The following MAEA variants were observed in gnomAD, a reference collection of about 807,000 sequenced individuals.
The protein encoded by MAEA is macrophage erythroblast attacher, E3 ubiquitin ligase.
Under a neutral mutation model 46.2 loss-of-function variants are expected in MAEA, and 22 were observed. The observed-to-expected ratio is 0.48, with a 90% CI of 0.34 to 0.68. The LOEUF (loss-of-function observed/expected upper bound fraction) is 0.68, where lower values mean the gene tolerates loss of function less well. Ranked by LOEUF, MAEA falls within the 30% of genes least tolerant of loss-of-function variation. The pLI is 0.01. For synonymous variants in MAEA, 246 were observed against 222.6 expected (o/e 1.11, Z -0.94); for missense variants, 393 against 558.1 (o/e 0.70, Z 2.98).
At chr4:1,309,814 T>C (rs1276595480) in intron 1 of MAEA, 52 of 1,378,480 alleles carry the variant, frequency 3.8e-5, no homozygotes, top group Non-Finnish European at 4.5e-5. Context: ...GGTTCCTGTC[T>C]GCAGCACACC....
intron 7 of MAEA, chr4:1,337,334 T>TTGCCTGTGACTGACTCTGCCC (rs59742652): frequency 0.23 from 71,277 of 305,332 alleles, 12,718 homozygotes; most frequent in African/African-American, 0.57. Context: ...ACCAAGAACC[T>TTGCCTGTGACTGACTCTGCCC]TGCCTGTGAC....
chr4:1,296,589 G>C (rs911935707), intron 1 of MAEA, among the ~76,000 whole-genome samples: 3 of 151,546 alleles, frequency 2.0e-5, no homozygotes, highest in Non-Finnish European at 4.4e-5. Context: ...TGGCTGTGCA[G>C]CTCCCTGGTG....
At chr4:1,316,783 A>G (rs1435838734) in intron 3 of MAEA, among the ~76,000 whole-genome samples, 1 of 152,042 alleles carries the variant, frequency 6.6e-6, no homozygotes, top group East Asian at 1.9e-4. Flanking sequence ...CACATTGTGC[A>G]GTCCAAGGCC....
chr4:1,333,625 C>T (rs1302865934), intron 6 of MAEA, among the ~76,000 whole-genome samples: 1 of 152,090 alleles, frequency 6.6e-6, no homozygotes, highest in African/African-American at 2.4e-5. Context: ...AACCCAGCAG[C>T]TGGCTGCTCC....
intron 3 of MAEA, among the ~76,000 whole-genome samples, chr4:1,316,152 C>T (rs913448445): frequency 2.6e-5 from 4 of 152,108 alleles, no homozygotes; most frequent in African/African-American, 9.7e-5. Flanking sequence ...GAGAGCTTTG[C>T]CTTTATCTCA....
intron 4 of MAEA, among the ~76,000 whole-genome samples, chr4:1,326,558 C>T (rs1313603622): frequency 6.6e-6 from 1 of 152,156 alleles, no homozygotes; most frequent in Non-Finnish European, 1.5e-5. Flanking sequence ...TTGGGCTTCC[C>T]TTAGGTGCAC....
intron 1 of MAEA, chr4:1,299,824 C>A (rs1735142853): frequency 2.0e-5 from 3 of 152,278 alleles, no homozygotes; most frequent in African/African-American, 7.2e-5. Context: ...GTTGAAACTG[C>A]AGCCCCAGCA....
chr4:1,309,643 C>G, intron 1 of MAEA: 1 of 1,530,702 alleles, frequency 6.5e-7, no homozygotes, highest in Non-Finnish European at 8.7e-7. Context: ...GAGTAAGCGG[C>G]TGGATGTGGA....
At chr4:1,294,599 A>C (rs1734440169) in intron 1 of MAEA, among the ~76,000 whole-genome samples, 1 of 151,082 alleles carries the variant, frequency 6.6e-6, no homozygotes, top group Non-Finnish European at 1.5e-5. Context: ...CCTCCGCAGC[A>C]GTGGTCTGAG....
At chr4:1,290,048 G>A (rs1040636604) in intron 1 of MAEA, 66 bp downstream of exon 1, 9 of 1,311,966 alleles carry the variant, frequency 6.9e-6, no homozygotes, top group Non-Finnish European at 9.3e-6. Flanking sequence ...CTCGGGCCGC[G>A]AGGGGCCGCC....
chr4:1,319,901 T>C (rs1343291734), intron 3 of MAEA, among the ~76,000 whole-genome samples: 2 of 138,522 alleles, frequency 1.4e-5, no homozygotes, highest in African/African-American at 5.5e-5. Flanking sequence ...AAAGCAAACA[T>C]GCAAGAAAAC....
At chr4:1,295,479 G>C (rs1734541731) in intron 1 of MAEA, among the ~76,000 whole-genome samples, 1 of 151,868 alleles carries the variant, frequency 6.6e-6, no homozygotes, top group African/African-American at 2.4e-5. Flanking sequence ...TCGAGGGAGG[G>C]GCCCAGAGCA....
rs192194447 is a variant in MAEA at position 1,309,922 on chromosome 4, C to T, written c.70-2057C>T. The T allele has an allele frequency of 1.0e-4, 129 of 1,284,306 alleles. 1 individual carries two copies. In the East Asian group the frequency reaches 2.2e-3, roughly 22 times the overall value. The allele number at this position is 1,284,306 out of a possible 1,614,324, so 79.6% of individuals were successfully genotyped here. A position where few individuals can be genotyped will look rare whatever the true frequency, so the allele number is the denominator to read the frequency against. On this transcript the variant is annotated intron_variant, in intron 1 of 8. Coordinates refer to ENST00000303400, the MANE Select transcript of MAEA (RefSeq NM_001017405.3). ...GGAAAGTCCAGAAAGGCCCCGTTCC[C>T]GCGTAGAACTTGAATGCAGCTAAGG... is the stretch of plus-strand genomic sequence containing the variant.
At chr4:1,317,785 C>G (rs575178706) in intron 3 of MAEA, among the ~76,000 whole-genome samples, 1 of 152,192 alleles carries the variant, frequency 6.6e-6, no homozygotes, top group Non-Finnish European at 1.5e-5. Context: ...TGATCCTCTG[C>G]GGTGACCGGG....
intron 1 of MAEA, among the ~76,000 whole-genome samples, chr4:1,310,417 TGGA>T (rs1487655866): frequency 6.6e-6 from 1 of 152,176 alleles, no homozygotes; most frequent in Non-Finnish European, 1.5e-5. Flanking sequence ...GCAGGCAGTG[TGGA>T]TGATGGGACC....
At chr4:1,313,066 C>T (rs1488914377) in intron 2 of MAEA, among the ~76,000 whole-genome samples, 1 of 152,194 alleles carries the variant, frequency 6.6e-6, no homozygotes, top group East Asian at 1.9e-4. Flanking sequence ...CACGGTACTA[C>T]AGCTCAGCGT....
chr4:1,328,315 G>C (rs1464157135), intron 5 of MAEA, among the ~76,000 whole-genome samples: 2 of 152,212 alleles, frequency 1.3e-5, no homozygotes, highest in East Asian at 3.9e-4. Context: ...AAGGAAGAGA[G>C]GCTGTCCGCT....
chr4:1,303,470 A>G (rs956162025), intron 1 of MAEA, among the ~76,000 whole-genome samples: 2 of 151,902 alleles, frequency 1.3e-5, no homozygotes, highest in Non-Finnish European at 2.9e-5. Flanking sequence ...TTCCTAAACA[A>G]ATAGGTATAC....
At chr4:1,295,796 TCCC>T (rs1189920750) in intron 1 of MAEA, among the ~76,000 whole-genome samples, 3 of 59,558 alleles carry the variant, frequency 5.0e-5, no homozygotes, top group African/African-American at 7.7e-5. Context: ...TGTGCCCCCC[TCCC>T]CAGCGCCTGT....
Sources: gnomAD v4.1 joint callset for allele counts (sites outside exome capture counted in the v4.1 genomes callset) on GRCh38, gnomAD v4.1.1 for gene constraint, MANE v1.5 for transcripts, NCBI Gene and HGNC (gene_info 2026-07-23, HGNC 2026-07-21) for gene names.